KLC1: variants seen among roughly 807,000 people sequenced by gnomAD.
KLC1 encodes kinesin light chain 1.
A neutral mutation model predicts 84.2 loss-of-function variants in KLC1; 30 were observed. That is an observed-to-expected ratio of 0.36 (90% CI 0.27 to 0.48). The LOEUF (loss-of-function observed/expected upper bound fraction) is 0.48. Ranked by LOEUF, KLC1 falls within the 20% of genes least tolerant of loss-of-function variation. The pLI is 0.99. For missense variants in KLC1, 499 were observed against 805.4 expected (o/e 0.62, Z 4.60); for synonymous variants, 289 against 293.3 (o/e 0.99, Z 0.15).
At chr14:103,658,909 G>A (rs1217768996) in intron 3 of KLC1, among the ~76,000 whole-genome samples, 2 of 150,568 alleles carry the variant, frequency 1.3e-5, no homozygotes, top group Non-Finnish European at 3.0e-5. Context: ...TGCCTGCCTC[G>A]GCCTCCCAAA....
At chr14:103,688,402 C>T (rs751663660) in intron 14 of KLC1, among the ~76,000 whole-genome samples, 2 of 152,158 alleles carry the variant, frequency 1.3e-5, no homozygotes, top group African/African-American at 2.4e-5. Flanking sequence ...CTTCCCGTCT[C>T]GGCCTCCCAA....
chr14:103,674,795 C>G (rs953252437), intron 9 of KLC1, among the ~76,000 whole-genome samples: 2 of 152,128 alleles, frequency 1.3e-5, no homozygotes, highest in African/African-American at 4.8e-5. Flanking sequence ...TTGTTTAGTG[C>G]TCACATTCTG....
chr14:103,693,771 C>T lies in KLC1; in HGVS notation c.1848+1346C>T, dbSNP rs1418740264. Reference sequence around the variant, plus strand: ...CAACCTTGGAGGTGCCTTTTCAAAACACCCGGGAGGCCGTGCCTCAGCATT... The same window carrying T: ...CAACCTTGGAGGTGCCTTTTCAAAATACCCGGGAGGCCGTGCCTCAGCATT... On this transcript the variant is annotated intron_variant, in intron 15 of 16. Coordinates refer to ENST00000334553, the MANE Select transcript of KLC1 (RefSeq NM_001394837.1). This position sits in a 1 kb window ranked among gnomAD's most constrained non-coding sequence, Gnocchi z 5.1. 7.0e-7 allele frequency: 1 copy of T among 1,426,124 alleles called. No homozygotes were observed. Among genetic ancestry groups the T allele is most frequent in the East Asian group, 2.6e-5 (1 of 38,604 alleles). 88.3% of individuals were successfully genotyped at this position (1,426,124 alleles called of 1,614,324 possible). A position where few individuals can be genotyped will look rare whatever the true frequency, so the allele number is the denominator to read the frequency against.
intron 1 of KLC1, among the ~76,000 whole-genome samples, chr14:103,631,456 T>C (rs2076681966): frequency 1.3e-5 from 2 of 152,326 alleles, no homozygotes; most frequent in South Asian, 4.1e-4. Context: ...TGTGTAACTT[T>C]CTGTATAGGG....
chr14:103,665,366 T>C (rs754993843), intron 5 of KLC1, among the ~76,000 whole-genome samples: 2 of 151,684 alleles, frequency 1.3e-5, no homozygotes, highest in Non-Finnish European at 2.9e-5. Context: ...CCAGGATGGA[T>C]TGATTGATTT....
intron 1 of KLC1, among the ~76,000 whole-genome samples, chr14:103,645,602 A>G (rs2151396227): frequency 6.6e-6 from 1 of 152,210 alleles, no homozygotes; most frequent in East Asian, 1.9e-4. Context: ...AGGAAGTATA[A>G]CCTACTGCAC....
At chr14:103,695,955 T>C in intron 15 of KLC1, 2 of 985,400 alleles carry the variant, frequency 2.0e-6, no homozygotes, top group Non-Finnish European at 2.4e-6. Context: ...CATCTGGCGG[T>C]CTGAATTTTT....
rs552401839 is a variant in KLC1 at position 103,662,721 on chromosome 14, T to C, written c.591T>C (p.Ser197=). The C allele has an allele frequency of 5.4e-4, 872 of 1,602,510 alleles. 10 individuals carry two copies. In the South Asian group the frequency reaches 9.0e-3, roughly 17 times the overall value. ...GTGCAGTCCAGCAGCAGCACAGCAG[T>C]GCAGCCGCGGCTGCCCAGCAGGGCG... ...PGQGIQQQHS[S]AAAAAQQGGY... is the part of the protein sequence containing the mutation. Residue 197 remains serine (S), a synonymous_variant, in exon 5 of 17, where the codon AGT becomes AGC. Coordinates refer to ENST00000334553, the MANE Select transcript of KLC1 (RefSeq NM_001394837.1).
At chr14:103,691,870 C>T (rs1213482947) in intron 14 of KLC1, among the ~76,000 whole-genome samples, 2 of 151,694 alleles carry the variant, frequency 1.3e-5, no homozygotes, top group Non-Finnish European at 2.9e-5. Flanking sequence ...CACCTGGGCT[C>T]AAGTGATCCT....
intron 11 of KLC1, among the ~76,000 whole-genome samples, chr14:103,676,905 A>G (rs974094016): frequency 2.0e-5 from 3 of 152,224 alleles, no homozygotes; most frequent in Admixed American, 6.5e-5. Context: ...CCTCTCGGCC[A>G]TCTGCTTATT....
intron 15 of KLC1, chr14:103,695,127 A>T (rs927824706): frequency 2.7e-5 from 27 of 982,514 alleles, no homozygotes; most frequent in Non-Finnish European, 3.1e-5. Context: ...GTTCTGTAAT[A>T]GTGGATGGGA....
intron 13 of KLC1, chr14:103,685,935 T>C: frequency 8.9e-7 from 1 of 1,118,262 alleles, no homozygotes; most frequent in Non-Finnish European, 1.1e-6. Flanking sequence ...AGCTGTTCAC[T>C]TTGGTAACAG....
In KLC1 at chr14:103,700,721, C is replaced by A; in HGVS notation, c.1915C>A (p.Arg639Ser). Residue 639 changes from arginine (R) to serine (S), a missense_variant, in exon 16 of 17, where the codon CGC (arginine) becomes AGC (serine). By Grantham distance (110) the Arg-to-Ser change is moderately radical. This residue lies in a region of KLC1 where 167 missense variants were observed against 208.8 expected (regional missense o/e 0.80). Coordinates refer to ENST00000334553, the MANE Select transcript of KLC1 (RefSeq NM_001394837.1). ...GCAGCAGTGGCCTGGAAGACGCCAC[C>A]GCTAACGTGAGTCCCACGGCCTGCA... The part of the protein sequence containing the change: ...QQQQWPGRRH[R>S] 4 of 1,597,818 alleles carry A rather than the reference C, an allele frequency of 2.5e-6. No individual in the cohort carries two copies. Among genetic ancestry groups the A allele is most frequent in the Non-Finnish European group, 3.4e-6 (4 of 1,173,244 alleles).
intron 1 of KLC1, among the ~76,000 whole-genome samples, chr14:103,651,999 G>A (rs1382510416): frequency 6.6e-6 from 1 of 152,194 alleles, no homozygotes; most frequent in African/African-American, 2.4e-5. Context: ...ATGTCCCCAA[G>A]GGCGAGGCCC....
intron 7 of KLC1, among the ~76,000 whole-genome samples, chr14:103,670,957 G>A (rs548838533): frequency 2.0e-5 from 3 of 152,002 alleles, no homozygotes; most frequent in East Asian, 1.9e-4. Flanking sequence ...GTTATGAGGC[G>A]TGTGCATTTA....
At chr14:103,634,237 C>G (rs145387840) in intron 1 of KLC1, among the ~76,000 whole-genome samples, 6 of 152,092 alleles carry the variant, frequency 3.9e-5, no homozygotes, top group African/African-American at 1.4e-4. Context: ...ATAACCTCCA[C>G]AAGGATGGGG....
At chr14:103,685,394 A>G (rs1339050443) in intron 13 of KLC1, 2 of 1,199,640 alleles carry the variant, frequency 1.7e-6, no homozygotes, top group Admixed American at 3.7e-5. Context: ...AAGTGTTGAC[A>G]TTTACTTTGA....
At chr14:103,687,305 G>A in intron 14 of KLC1, 94 bp downstream of exon 14, 3 of 1,275,294 alleles carry the variant, frequency 2.4e-6, no homozygotes, top group Non-Finnish European at 2.1e-6. Flanking sequence ...CAGACTTGAG[G>A]AAAGACACTC....
At chr14:103,687,027 G>T (rs2081819910) in intron 13 of KLC1, 54 bp from the exon 14 acceptor site, 23 of 1,454,100 alleles carry the variant, frequency 1.6e-5, no homozygotes, top group Non-Finnish European at 2.0e-5. Flanking sequence ...TGTGGCTCTT[G>T]TGGGAAGGAG....
Sources: allele counts gnomAD v4.1 joint callset (sites outside exome capture counted in the v4.1 genomes callset), GRCh38; gene constraint gnomAD v4.1.1; regional missense constraint gnomAD v4.1.1; non-coding constraint Gnocchi (gnomAD v3.1); transcripts MANE v1.5; gene names NCBI Gene and HGNC (gene_info 2026-07-23, HGNC 2026-07-21).